TMPRSS13: variants seen among roughly 807,000 people sequenced by gnomAD.
TMPRSS13 encodes transmembrane protease serine 13.
TMPRSS13 carries 50 observed loss-of-function variants against 68.4 expected under a neutral mutation model. The observed-to-expected ratio is 0.73, with a 90% CI of 0.58 to 0.93. The LOEUF (loss-of-function observed/expected upper bound fraction) is 0.93. Among genes scored for constraint, TMPRSS13 ranks in the 40% least tolerant of loss-of-function variants. The probability of loss-of-function intolerance (pLI) is 0.00; values close to 1 mark genes in which losing one functional copy is unlikely to be tolerated. For missense variants in TMPRSS13, 615 were observed against 729.2 expected (o/e 0.84, Z 1.80); for synonymous variants, 267 against 285.8 (o/e 0.93, Z 0.66).
chr11:117,917,897 T>G (rs1190694848), intron 2 of TMPRSS13, among the ~76,000 whole-genome samples: 1 of 152,176 alleles, frequency 6.6e-6, no homozygotes. Context: ...CCCCAAGGCC[T>G]ATTCAACCTC....
At position 117,911,828 on chromosome 11, in the gene TMPRSS13, T is replaced by C. The variant is rs746263471; in HGVS notation, c.842A>G (p.Asp281Gly). 1.9e-6 allele frequency: 3 copies of C among 1,614,018 alleles called. No homozygotes were observed. The highest frequency in any genetic ancestry group is 2.2e-5 in the South Asian group (2 of 91,072). Reference protein sequence around the residue: ...AHRTTEVAHRDFANSFSILRY... With the variant: ...AHRTTEVAHRGFANSFSILRY... ...CAAGATTGAGAAGCTGTTGGCAAAA[T>C]CCCTGTGGGCAACCTCGGTTGTCCG... Residue 281 changes from aspartate to glycine, a missense_variant, in exon 6 of 13, where the codon GAT becomes GGT. Asp to Gly is a moderately conservative substitution (Grantham distance 94). Transcript: ENST00000524993.
intron 1 of TMPRSS13, among the ~76,000 whole-genome samples, chr11:117,926,659 A>G (rs543461967): frequency 1.8e-4 from 28 of 152,358 alleles, no homozygotes; most frequent in African/African-American, 6.7e-4. Flanking sequence ...TGTCAAGAAC[A>G]AATCTGGTGT....
intron 1 of TMPRSS13, among the ~76,000 whole-genome samples, chr11:117,927,652 C>G (rs1223522159): frequency 2.0e-5 from 3 of 152,308 alleles, no homozygotes; most frequent in South Asian, 4.1e-4. Flanking sequence ...AAGGCACAAG[C>G]TCAGGTGACC....
At chr11:117,926,610 G>T (rs916882698) in intron 1 of TMPRSS13, among the ~76,000 whole-genome samples, 1 of 152,210 alleles carries the variant, frequency 6.6e-6, no homozygotes, top group African/African-American at 2.4e-5. Flanking sequence ...ACTGCTCTGA[G>T]AATTAAAAAT....
chr11:117,917,054 A>C (rs559406052), intron 3 of TMPRSS13, 116 bp downstream of exon 3: 2 of 859,958 alleles, frequency 2.3e-6, no homozygotes, highest in African/African-American at 3.3e-5. Context: ...CTCTGGACAC[A>C]GTAGCCGGGT....
chr11:117,909,403 T>C (rs1454061825), intron 8 of TMPRSS13, among the ~76,000 whole-genome samples: 4 of 152,240 alleles, frequency 2.6e-5, no homozygotes, highest in African/African-American at 9.6e-5. Flanking sequence ...CGTTAGCAGC[T>C]GATACAGTGC....
chr11:117,919,192 C>T (rs1476715404), intron 1 of TMPRSS13, among the ~76,000 whole-genome samples: 2 of 152,196 alleles, frequency 1.3e-5, no homozygotes, highest in South Asian at 2.1e-4. Context: ...TCTGAGACCT[C>T]GTATCAAGGG....
In TMPRSS13 at chr11:117,908,685, G is replaced by A; in HGVS notation, c.1209C>T (p.Asn403=). 3 of 1,600,176 alleles carry A rather than the reference G, an allele frequency of 1.9e-6. No individual in the cohort carries two copies. Among genetic ancestry groups the A allele is most frequent in the South Asian group, 1.1e-5 (1 of 87,726 alleles). Residue 403 remains asparagine, a synonymous_variant, in exon 9 of 13, where the codon AAC becomes AAT. Transcript: ENST00000524993. Reference sequence around the variant, plus strand: ...CGTCCTCCTCATCGGTGTAATTGCTGTTGATGATGATCTCGGCAATGGAGG... The same window carrying A: ...CGTCCTCCTCATCGGTGTAATTGCTATTGATGATGATCTCGGCAATGGAGG... ...EAASIAEIII[N]SNYTDEEDDY...
chr11:117,910,205 A>G (rs2057507980), intron 7 of TMPRSS13, among the ~76,000 whole-genome samples: 1 of 152,004 alleles, frequency 6.6e-6, no homozygotes, highest in African/African-American at 2.4e-5. Flanking sequence ...ATTCCGCGGA[A>G]AGTTTGACCC....
At chr11:117,916,573 G>A (rs928612355) in intron 3 of TMPRSS13, among the ~76,000 whole-genome samples, 6 of 152,214 alleles carry the variant, frequency 3.9e-5, no homozygotes, top group Admixed American at 3.9e-4. Flanking sequence ...TTCCCACTGT[G>A]CTGGGCTCAT....
intron 1 of TMPRSS13, among the ~76,000 whole-genome samples, chr11:117,925,183 C>T (rs1216464896): frequency 6.6e-6 from 1 of 152,214 alleles, no homozygotes; most frequent in African/African-American, 2.4e-5. Context: ...CCTTACCCCA[C>T]CTCAACAGAG....
At chr11:117,906,764 A>T (rs2057468424) in intron 9 of TMPRSS13, among the ~76,000 whole-genome samples, 1 of 152,212 alleles carries the variant, frequency 6.6e-6, no homozygotes, top group African/African-American at 2.4e-5. Context: ...TTTTAAAAAC[A>T]TGTAACACTG....
chr11:117,926,160 G>C (rs1278096986), intron 1 of TMPRSS13, among the ~76,000 whole-genome samples: 1 of 140,138 alleles, frequency 7.1e-6, no homozygotes, highest in Non-Finnish European at 1.5e-5. Flanking sequence ...ACGAGGTGAG[G>C]GCTACACACC....
chr11:117,908,129 G>A, intron 9 of TMPRSS13: 2 of 1,006,200 alleles, frequency 2.0e-6, no homozygotes, highest in Non-Finnish European at 2.4e-6. Flanking sequence ...GATCGACCTG[G>A]TTCCAATCCC....
At chr11:117,912,100 C>G (rs1477058098) in intron 5 of TMPRSS13, among the ~76,000 whole-genome samples, 6 of 152,188 alleles carry the variant, frequency 3.9e-5, no homozygotes, top group African/African-American at 1.4e-4. Context: ...TATGCACTAC[C>G]CAGCATTTCT....
At chr11:117,921,857 C>T (rs955961378) in intron 1 of TMPRSS13, among the ~76,000 whole-genome samples, 1 of 152,102 alleles carries the variant, frequency 6.6e-6, no homozygotes, top group Non-Finnish European at 1.5e-5. Context: ...AACTACAAGT[C>T]CCAACAGGGA....
intron 9 of TMPRSS13, chr11:117,907,728 G>A (rs2057477694): frequency 1.1e-6 from 1 of 874,298 alleles, no homozygotes; most frequent in South Asian, 5.2e-5. Context: ...CTGCCAGGAT[G>A]ATTAGTTGCT....
intron 8 of TMPRSS13, among the ~76,000 whole-genome samples, chr11:117,909,286 G>A (rs999560888): frequency 6.6e-6 from 1 of 152,164 alleles, no homozygotes; most frequent in Non-Finnish European, 1.5e-5. Flanking sequence ...GTAACACACT[G>A]AACTCATTAC....
intron 6 of TMPRSS13, 124 bp downstream of exon 6, chr11:117,911,644 C>T: frequency 1.4e-6 from 1 of 700,910 alleles, no homozygotes; most frequent in Non-Finnish European, 2.4e-6. Flanking sequence ...CCTGAACACT[C>T]ATGGTGGACT....
Sources: allele counts gnomAD v4.1 joint callset (sites outside exome capture counted in the v4.1 genomes callset), GRCh38; gene constraint gnomAD v4.1.1; transcripts MANE v1.5; gene names NCBI Gene and HGNC (gene_info 2026-07-23, HGNC 2026-07-21).